The following GPHN variants were observed in gnomAD, a reference collection of about 807,000 sequenced individuals.
GPHN encodes the protein gephyrin.
Under a neutral mutation model 95.5 loss-of-function variants are expected in GPHN, and 17 were observed. That is an observed-to-expected ratio of 0.18 (90% CI 0.12 to 0.27). The LOEUF is 0.27. Among genes scored for constraint, GPHN ranks in the 10% least tolerant of loss-of-function variants. GPHN has a pLI of 1.00. For missense variants in GPHN, 660 were observed against 978.1 expected (o/e 0.67, Z 4.34); for synonymous variants, 320 against 322.5 (o/e 0.99, Z 0.08).
At chr14:66,904,604 G>T (rs1482733271) in intron 5 of GPHN, among the ~76,000 whole-genome samples, 1 of 152,102 alleles carries the variant, frequency 6.6e-6, no homozygotes, top group African/African-American at 2.4e-5. Context: ...AGTCCAGCTG[G>T]CTTCACCTCT....
chr14:66,681,764 A>T (rs997176764), intron 2 of GPHN, among the ~76,000 whole-genome samples: 2 of 152,106 alleles, frequency 1.3e-5, no homozygotes, highest in African/African-American at 4.8e-5. Context: ...TTTCTATTTC[A>T]TAAATTTTTT....
chr14:66,827,120 C>T (rs984599883), intron 4 of GPHN, among the ~76,000 whole-genome samples: 2 of 151,958 alleles, frequency 1.3e-5, no homozygotes, highest in Non-Finnish European at 2.9e-5. Context: ...CATGTCTTTA[C>T]TAAAAATACA....
the GPHN span, among the ~76,000 whole-genome samples, chr14:67,225,996 C>CT: frequency 6.6e-6 from 1 of 150,574 alleles, no homozygotes; most frequent in Non-Finnish European, 1.5e-5. Flanking sequence ...CGTGCATGCT[C>CT]ATAAGGGCTG....
chr14:66,979,667 C>A (rs889684248), intron 9 of GPHN, among the ~76,000 whole-genome samples: 5 of 152,182 alleles, frequency 3.3e-5, no homozygotes, highest in African/African-American at 1.2e-4. Flanking sequence ...TCTTCTCATT[C>A]ATATGTTCAC....
At chr14:67,233,111 TTTTTATTTTATTTTA>T in the GPHN span, among the ~76,000 whole-genome samples, 27 of 144,496 alleles carry the variant, frequency 1.9e-4, no homozygotes, top group East Asian at 2.0e-3. Flanking sequence ...CACCAACACA[TTTTTATTTTATTTTA>T]TTTTATTTTA....
intron 1 of GPHN, among the ~76,000 whole-genome samples, chr14:66,639,601 A>G (rs1049935878): frequency 2.8e-5 from 4 of 141,586 alleles, no homozygotes; most frequent in African/African-American, 1.2e-4. Context: ...CCAGCTGGTG[A>G]ATGGTGATGA....
chr14:66,922,802 C>T lies in GPHN; in HGVS notation c.593C>T (p.Thr198Ile), dbSNP rs1486234815. 6.8e-6 allele frequency: 11 copies of T among 1,613,070 alleles called. No individual in the cohort carries two copies. The highest frequency in any genetic ancestry group is 9.3e-6 in the Non-Finnish European group (11 of 1,179,336). Residue 198 changes from threonine (T) to isoleucine (I), a missense_variant, in exon 7 of 23, where the codon ACT (threonine) becomes ATT (isoleucine). Physicochemically the swap from Thr to Ile is moderately conservative, Grantham distance 89. Around this residue, in one of 6 missense-constraint regions of GPHN, gnomAD observed 190 missense variants for 224.7 expected, o/e 0.85. Transcript: ENST00000478722. Reference sequence around the variant, plus strand: ...CCTCCCCCTCTTTCCCCTCCTCCTACTACCAGCCCCCATAAACAGACAGAA... The same window carrying T: ...CCTCCCCCTCTTTCCCCTCCTCCTATTACCAGCCCCCATAAACAGACAGAA... ...SPPPPLSPPP[T>I]TSPHKQTEDK... is the part of the protein sequence containing the mutation.
chr14:67,534,747 TCACC>T, the GPHN span, among the ~76,000 whole-genome samples: 2 of 151,760 alleles, frequency 1.3e-5, no homozygotes, highest in Non-Finnish European at 2.9e-5. Context: ...TCTTCAGAAG[TCACC>T]AGCTGTAGGG....
At chr14:67,603,214 C>T in the GPHN span, among the ~76,000 whole-genome samples, 1 of 152,130 alleles carries the variant, frequency 6.6e-6, no homozygotes, top group African/African-American at 2.4e-5. Context: ...GGGCTACAGG[C>T]ACACTCTACC....
chr14:67,586,303 G>A, the GPHN span: 1 of 1,175,390 alleles, frequency 8.5e-7, no homozygotes, highest in South Asian at 1.3e-5. Context: ...GGACATATTT[G>A]GAGGGAACTA....
intron 8 of GPHN, among the ~76,000 whole-genome samples, chr14:66,952,771 T>A (rs956924016): frequency 6.6e-6 from 1 of 152,158 alleles, no homozygotes; most frequent in Non-Finnish European, 1.5e-5. Context: ...CTCGGCTCAC[T>A]GCAACCTCAG....
chr14:67,043,815 G>A (rs1341918511), intron 10 of GPHN, among the ~76,000 whole-genome samples: 1 of 152,080 alleles, frequency 6.6e-6, no homozygotes. Context: ...GCTACTTTTT[G>A]TGCCTCTGGT....
At chr14:67,074,680 G>A (rs968022651) in intron 11 of GPHN, among the ~76,000 whole-genome samples, 3 of 152,160 alleles carry the variant, frequency 2.0e-5, no homozygotes, top group Non-Finnish European at 4.4e-5. Context: ...AACCTAGGCC[G>A]CTGGTGCTAC....
chr14:67,449,799 T>TA, the GPHN span: 1 of 152,174 alleles, frequency 6.6e-6, no homozygotes, highest in Non-Finnish European at 1.5e-5. Flanking sequence ...CTGATGGTTT[T>TA]AAAAAATAGG....
chr14:67,692,637 G>A, the GPHN span: 4 of 1,509,480 alleles, frequency 2.6e-6, no homozygotes, highest in East Asian at 7.1e-5. Context: ...CTCTGTTTTT[G>A]AGCTGGCATT....
chr14:67,451,819 T>C, the GPHN span, among the ~76,000 whole-genome samples: 1 of 152,128 alleles, frequency 6.6e-6, no homozygotes, highest in Non-Finnish European at 1.5e-5. Context: ...GACGGCATGA[T>C]TGATTTTGAA....
At chr14:67,119,512 A>G (rs1431741735) in intron 16 of GPHN, among the ~76,000 whole-genome samples, 2 of 152,194 alleles carry the variant, frequency 1.3e-5, no homozygotes, top group Admixed American at 1.3e-4. Flanking sequence ...TGTTTAGGCC[A>G]GGCGCAGTGG....
rs1357700101 is a variant in GPHN at position 67,115,612 on chromosome 14, G to A, written c.1626+2441G>A. On this transcript the variant is annotated intron_variant, in intron 16 of 22. Transcript: ENST00000478722. ...TAGCTGGGTGTGATGGCACATGCCTGTAGTCACAACTACTTGGGAGGCTGA... is the reference window on the plus strand; with the variant it reads ...TAGCTGGGTGTGATGGCACATGCCTATAGTCACAACTACTTGGGAGGCTGA... Among the ~76,000 whole-genome samples the A allele has an allele frequency of 5.3e-5, 8 of 152,240 alleles. No homozygotes were observed. The East Asian group carries it at 9.7e-4, about 18-fold the overall frequency.
the GPHN span, chr14:67,312,375 T>G: frequency 2.0e-6 from 1 of 496,040 alleles, no homozygotes; most frequent in Non-Finnish European, 3.2e-6. Flanking sequence ...GCTAGAAATT[T>G]GAGATTATCC....
Sources: allele counts gnomAD v4.1 joint callset (sites outside exome capture counted in the v4.1 genomes callset), GRCh38; gene constraint gnomAD v4.1.1; regional missense constraint gnomAD v4.1.1; transcripts MANE v1.5; gene names NCBI Gene and HGNC (gene_info 2026-07-23, HGNC 2026-07-21).